RAB40B: variants seen among roughly 807,000 people sequenced by gnomAD.
The protein encoded by RAB40B is ras-related protein Rab-40B.
In RAB40B, 21 loss-of-function variants were observed where a neutral mutation model predicts 24.0. The ratio of observed to expected loss-of-function variants is 0.88; its 90% CI spans 0.62 to 1.26. The LOEUF is 1.26. RAB40B is among the 50% of genes most tolerant of loss of function. The pLI is 0.00. For missense variants in RAB40B, 348 were observed against 390.5 expected (o/e 0.89, Z 0.92); for synonymous variants, 167 against 169.8 (o/e 0.98, Z 0.13).
At position 82,656,881 on chromosome 17, in the gene RAB40B, G is replaced by A. The variant is rs1244931770; in HGVS notation, c.*982C>T. 2 of 152,306 alleles carry A rather than the reference G, an allele frequency of 1.3e-5. No individual in the cohort carries two copies. The highest frequency in any genetic ancestry group is 4.8e-5 in the African/African-American group (2 of 41,420). The allele number at this position is 152,306 out of a possible 1,614,324, so 9.4% of individuals were successfully genotyped here. ...ATACAAAAATTAGCCGGGCGTGGTG[G>A]TGCACCTCTGTAATCCCAGCTACTC... On this transcript the variant is annotated 3_prime_UTR_variant, in exon 6 of 6. Coordinates refer to ENST00000571995, the MANE Select transcript of RAB40B (RefSeq NM_006822.3).
At chr17:82,659,299 G>A in intron 4 of RAB40B, 1 of 450,526 alleles carries the variant, frequency 2.2e-6, no homozygotes, top group South Asian at 2.5e-5. Flanking sequence ...ACAGCAGGGA[G>A]TGAAGCAGGC....
intron 5 of RAB40B, 59 bp downstream of exon 5, chr17:82,658,432 C>G: frequency 6.3e-7 from 1 of 1,576,080 alleles, no homozygotes; most frequent in Non-Finnish European, 8.7e-7. Context: ...CAGGGGGCCG[C>G]TGACCCACCT....
chr17:82,694,328 G>A (rs1256828851), intron 1 of RAB40B, among the ~76,000 whole-genome samples: 1 of 151,338 alleles, frequency 6.6e-6, no homozygotes, highest in African/African-American at 2.5e-5. Flanking sequence ...TTAGGGGTTC[G>A]AGACCACCCT....
rs2143569094 is a variant in RAB40B at position 82,697,072 on chromosome 17, GC to G, written c.142+1382del. On this transcript the variant is annotated intron_variant, in intron 1 of 5. Coordinates refer to ENST00000571995, the MANE Select transcript of RAB40B (RefSeq NM_006822.3). This position sits in a 1 kb window ranked among gnomAD's most constrained non-coding sequence, Gnocchi z 4.9. Reference sequence around the variant, plus strand: ...GGAGCACACTCTGCACCCACCAGCTGCCAGAGACTCCCCCGCATGCTGCAGT... The same window carrying G: ...GGAGCACACTCTGCACCCACCAGCTGCAGAGACTCCCCCGCATGCTGCAGT... Among the ~76,000 whole-genome samples, 1 of 152,202 alleles carries G rather than the reference GC, an allele frequency of 6.6e-6. No individual in the cohort carries two copies. The highest frequency in any genetic ancestry group is 2.4e-5 in the African/African-American group (1 of 41,524).
chr17:82,663,296 C>T lies in RAB40B; in HGVS notation c.203+1200G>A, dbSNP rs1052764483. Among the ~76,000 whole-genome samples, 4 of 152,010 alleles carry T rather than the reference C, an allele frequency of 2.6e-5. No individual in the cohort carries two copies. The highest frequency in any genetic ancestry group is 1.9e-4 in the East Asian group (1 of 5,178). On this transcript the variant is annotated intron_variant, in intron 2 of 5. Transcript: ENST00000571995. The surrounding 1 kb of genome is among the most constrained non-coding windows in gnomAD (Gnocchi z 6.2). ...GGGGGTCCCAGCTGCTGGAGGCACA[C>T]GTGGCTCGGGGGTGGCCCAGCAGGC...
At position 82,697,418 on chromosome 17, in the gene RAB40B, C is replaced by T. The variant is rs780248753; in HGVS notation, c.142+1037G>A. 2.6e-5 allele frequency among the ~76,000 whole-genome samples: 4 copies of T among 152,178 alleles called. No individual in the cohort carries two copies. The highest frequency in any genetic ancestry group is 4.4e-5 in the Non-Finnish European group (3 of 68,014). On this transcript the variant is annotated intron_variant, in intron 1 of 5. Coordinates refer to ENST00000571995, the MANE Select transcript of RAB40B (RefSeq NM_006822.3). The surrounding 1 kb of genome is among the most constrained non-coding windows in gnomAD (Gnocchi z 4.9). ...TGGGGCTTCCCAGACCCTTCCCAGG[C>T]CCCAGAGCTGACAGGTCCTTCCCAC...
At position 82,657,704 on chromosome 17, in the gene RAB40B, C is replaced by T. The variant is rs779243980; in HGVS notation, c.*159G>A. 1.4e-5 allele frequency: 13 copies of T among 925,726 alleles called. No individual in the cohort carries two copies. The highest frequency in any genetic ancestry group is 6.5e-5 in the African/African-American group (4 of 61,718). 57.3% of individuals were successfully genotyped at this position (925,726 alleles called of 1,614,324 possible). ...CACATCCACGTAGAAATTCGAAGTC[C>T]GACGGGGTAGTGTGTTTCCATCACA... On this transcript the variant is annotated 3_prime_UTR_variant, in exon 6 of 6. Transcript: ENST00000571995.
In RAB40B at chr17:82,675,702, C is replaced by T. The variant is rs979934661; in HGVS notation, c.143-11146G>A. Among the ~76,000 whole-genome samples the T allele has an allele frequency of 1.8e-4, 28 of 152,236 alleles. No individual in the cohort carries two copies. The highest frequency in any genetic ancestry group is 6.8e-3 in the Middle Eastern group (2 of 294). On this transcript the variant is annotated intron_variant, in intron 1 of 5. Coordinates refer to ENST00000571995, the MANE Select transcript of RAB40B (RefSeq NM_006822.3). This position sits in a 1 kb window ranked among gnomAD's most constrained non-coding sequence, Gnocchi z 4.5. ...CCATGTCCTCCCCTAGCTGGAGGGG[C>T]GAGGGAGCTCTTGGATGCTTCACTC...
intron 1 of RAB40B, among the ~76,000 whole-genome samples, chr17:82,673,586 T>C (rs974691930): frequency 2.0e-5 from 3 of 152,252 alleles, no homozygotes; most frequent in African/African-American, 7.2e-5. Context: ...AGGCATACAA[T>C]TGAGGGAGAA....
intron 1 of RAB40B, among the ~76,000 whole-genome samples, chr17:82,676,742 C>T (rs946342915): frequency 6.6e-6 from 1 of 152,064 alleles, no homozygotes; most frequent in Non-Finnish European, 1.5e-5. Flanking sequence ...ATTCTCCTGC[C>T]TCAGCCTCTC....
At chr17:82,688,021 G>A (rs1260947270) in intron 1 of RAB40B, among the ~76,000 whole-genome samples, 2 of 152,134 alleles carry the variant, frequency 1.3e-5, no homozygotes, top group African/African-American at 4.8e-5. Context: ...CCATTAAGCT[G>A]TGATCGCACC....
At chr17:82,695,994 C>T (rs547094804) in intron 1 of RAB40B, among the ~76,000 whole-genome samples, 79 of 152,152 alleles carry the variant, frequency 5.2e-4, no homozygotes, top group African/African-American at 1.8e-3. Flanking sequence ...CTCAGCCTCC[C>T]GAGTAGCTGG....
At chr17:82,681,505 C>T (rs963660228) in intron 1 of RAB40B, among the ~76,000 whole-genome samples, 2 of 152,142 alleles carry the variant, frequency 1.3e-5, no homozygotes, top group African/African-American at 4.8e-5. Flanking sequence ...GCGAAACAAG[C>T]AACCCTGCAG....
At chr17:82,658,203 C>T (rs2046111221) in intron 5 of RAB40B, 69 bp from the exon 6 acceptor site, 2 of 1,558,254 alleles carry the variant, frequency 1.3e-6, no homozygotes, top group South Asian at 1.2e-5. Flanking sequence ...GGGGTGGTGC[C>T]CACACCTGTT....
intron 3 of RAB40B, among the ~76,000 whole-genome samples, chr17:82,660,278 C>T (rs1038602432): frequency 6.6e-6 from 1 of 151,832 alleles, no homozygotes; most frequent in South Asian, 2.1e-4. Context: ...GGCAAGCACA[C>T]ACGTACACAT....
chr17:82,679,577 G>A (rs1008131080), intron 1 of RAB40B, among the ~76,000 whole-genome samples: 5 of 152,040 alleles, frequency 3.3e-5, no homozygotes, highest in African/African-American at 1.2e-4. Context: ...GCGCCCGGCC[G>A]CCACAAGCCT....
chr17:82,679,916 C>T (rs1414540066), intron 1 of RAB40B, among the ~76,000 whole-genome samples: 2 of 152,228 alleles, frequency 1.3e-5, no homozygotes, highest in East Asian at 1.9e-4. Flanking sequence ...GGGAGGCTCA[C>T]GAAGAGACAT....
At chr17:82,664,825 C>T (rs1001591891) in intron 1 of RAB40B, 10 of 414,580 alleles carry the variant, frequency 2.4e-5, no homozygotes, top group South Asian at 2.1e-4. Flanking sequence ...CCGACAGGCA[C>T]TGCAGGGCCT....
intron 4 of RAB40B, 93 bp from the exon 5 acceptor site, chr17:82,658,806 A>T: frequency 8.7e-7 from 1 of 1,152,770 alleles, no homozygotes. Context: ...GGAACCCCCC[A>T]CGAGTTCATG....
Sources: gnomAD v4.1 joint callset for allele counts (sites outside exome capture counted in the v4.1 genomes callset) on GRCh38, gnomAD v4.1.1 for gene constraint, Gnocchi (gnomAD v3.1) non-coding constraint, MANE v1.5 for transcripts, NCBI Gene and HGNC (gene_info 2026-07-23, HGNC 2026-07-21) for gene names.